The following ATXN7L1 variants were observed in gnomAD, a reference collection of about 807,000 sequenced individuals.
The protein encoded by ATXN7L1 is ataxin 7 like 1.
A neutral mutation model predicts 70.8 loss-of-function variants in ATXN7L1; 15 were observed. The ratio of observed to expected loss-of-function variants is 0.21; its 90% CI spans 0.14 to 0.33. The LOEUF (loss-of-function observed/expected upper bound fraction) is 0.33. ATXN7L1 is among the 10% of genes least tolerant of loss of function. The probability of loss-of-function intolerance (pLI) is 1.00; values close to 1 mark genes in which losing one functional copy is unlikely to be tolerated. For synonymous variants in ATXN7L1, 440 were observed against 445.1 expected, an observed-to-expected ratio of 0.99 and a Z score of 0.14; for missense variants, 975 against 1,097.1, an observed-to-expected ratio of 0.89 and a Z score of 1.57.
At chr7:105,776,934 T>A (rs1329156243) in intron 3 of ATXN7L1, among the ~76,000 whole-genome samples, 2 of 152,152 alleles carry the variant, frequency 1.3e-5, no homozygotes. Flanking sequence ...CATGCCTGGA[T>A]AACTTTTGTA....
chr7:105,859,845 C>T (rs1453855500), intron 2 of ATXN7L1, among the ~76,000 whole-genome samples: 9 of 146,360 alleles, frequency 6.1e-5, no homozygotes, highest in East Asian at 4.0e-4. Flanking sequence ...TGCAGTGGCA[C>T]GATCTCAGCT....
chr7:105,812,755 C>T (rs1808613505), intron 2 of ATXN7L1, among the ~76,000 whole-genome samples: 1 of 152,106 alleles, frequency 6.6e-6, no homozygotes, highest in Non-Finnish European at 1.5e-5. Context: ...AATCCCAGCA[C>T]TCTGGGAGGC....
intron 10 of ATXN7L1, among the ~76,000 whole-genome samples, chr7:105,611,953 C>A (rs758429778): frequency 2.0e-5 from 3 of 152,202 alleles, no homozygotes; most frequent in Admixed American, 6.5e-5. Flanking sequence ...GTTAGAGAAC[C>A]AATGCTGACC....
intron 3 of ATXN7L1, among the ~76,000 whole-genome samples, chr7:105,741,015 C>T (rs760217059): frequency 4.1e-4 from 62 of 152,168 alleles, no homozygotes; most frequent in Middle Eastern, 3.4e-3. Flanking sequence ...CTGCCCGCCT[C>T]GGCCTCCCAA....
chr7:105,726,035 G>A (rs369913578), intron 3 of ATXN7L1, among the ~76,000 whole-genome samples: 13 of 151,158 alleles, frequency 8.6e-5, no homozygotes, highest in African/African-American at 3.2e-4. Flanking sequence ...CTGAGCAGCT[G>A]GGATTACAGG....
rs200197723 is a variant in ATXN7L1 at position 105,727,740 on chromosome 7, ATG to A, written c.355+60862_355+60863del. ...TTTTTCCATAGGGGTGTGTGTGTGT[ATG>A]TGTGTATATATATATATATATATAT... On this transcript the variant is annotated intron_variant, in intron 3 of 11. Coordinates refer to ENST00000419735, the MANE Select transcript of ATXN7L1 (RefSeq NM_020725.2). 4.3e-3 allele frequency among the ~76,000 whole-genome samples: 306 copies of A among 70,636 alleles called. 4 individuals are homozygous for A. Among genetic ancestry groups the A allele is most frequent in the South Asian group, 0.023 (38 of 1,652 alleles). 46.3% of individuals were successfully genotyped at this position (70,636 alleles called of 152,430 possible).
At chr7:105,793,750 G>A (rs139193535) in intron 2 of ATXN7L1, among the ~76,000 whole-genome samples, 1 of 152,300 alleles carries the variant, frequency 6.6e-6, no homozygotes, top group African/African-American at 2.4e-5. Context: ...GATAAACTGT[G>A]GATTAGATAG....
intron 3 of ATXN7L1, among the ~76,000 whole-genome samples, chr7:105,723,414 T>C (rs75402038): frequency 9.3e-4 from 142 of 152,296 alleles, no homozygotes; most frequent in African/African-American, 3.3e-3. Context: ...TTTATATTAT[T>C]CAACAGATAG....
intron 7 of ATXN7L1, among the ~76,000 whole-genome samples, chr7:105,625,541 G>A (rs867692043): frequency 7.9e-5 from 12 of 152,180 alleles, no homozygotes; most frequent in African/African-American, 2.2e-4. Context: ...GTGAGCCACC[G>A]TGCCCAGCTT....
intron 4 of ATXN7L1, among the ~76,000 whole-genome samples, chr7:105,645,151 T>C (rs890165156): frequency 6.6e-6 from 1 of 152,080 alleles, no homozygotes; most frequent in African/African-American, 2.4e-5. Flanking sequence ...GTTTCAGTTT[T>C]GCAAGATGGA....
At chr7:105,863,118 A>G (rs1309297737) in intron 2 of ATXN7L1, among the ~76,000 whole-genome samples, 1 of 152,236 alleles carries the variant, frequency 6.6e-6, no homozygotes, top group Non-Finnish European at 1.5e-5. Context: ...GAAACTGAAC[A>G]GCGGCCTAGA....
chr7:105,840,874 G>A (rs1013371018), intron 2 of ATXN7L1, among the ~76,000 whole-genome samples: 2 of 152,178 alleles, frequency 1.3e-5, no homozygotes, highest in African/African-American at 2.4e-5. Flanking sequence ...CCAAGTTCTG[G>A]CCCCATGGAG....
chr7:105,824,484 C>T (rs572224747), intron 2 of ATXN7L1, among the ~76,000 whole-genome samples: 3 of 151,464 alleles, frequency 2.0e-5, no homozygotes, highest in East Asian at 1.9e-4. Flanking sequence ...CAGGATGCAA[C>T]GGTAAGAAAA....
At chr7:105,712,044 G>A (rs897052198) in intron 3 of ATXN7L1, among the ~76,000 whole-genome samples, 4 of 152,226 alleles carry the variant, frequency 2.6e-5, no homozygotes, top group Non-Finnish European at 4.4e-5. Flanking sequence ...AGCTGCTGAG[G>A]TTTGGGGCTT....
intron 3 of ATXN7L1, among the ~76,000 whole-genome samples, chr7:105,678,719 C>T (rs1805096401): frequency 6.6e-6 from 1 of 152,170 alleles, no homozygotes; most frequent in South Asian, 2.1e-4. Flanking sequence ...CTTCCCGGTG[C>T]TCTGAAAGGT....
chr7:105,723,755 G>A (rs1480787183), intron 3 of ATXN7L1, among the ~76,000 whole-genome samples: 2 of 152,140 alleles, frequency 1.3e-5, no homozygotes, highest in Non-Finnish European at 2.9e-5. Flanking sequence ...TGTTTTGCCT[G>A]TTTGTGGATT....
At position 105,823,337 on chromosome 7, in the gene ATXN7L1, A is replaced by G. The variant is rs75462810; in HGVS notation, c.251-34629T>C. 7.3e-3 allele frequency among the ~76,000 whole-genome samples: 1,109 copies of G among 152,292 alleles called. 12 individuals are homozygous for G. Among genetic ancestry groups the G allele is most frequent in the African/African-American group, 0.025 (1,042 of 41,560 alleles). ...CAGCAGAGGCAACCCCATTTCCAGT[A>G]TCATTTGTGATCACTTACAAACAGC... On this transcript the variant is annotated intron_variant, in intron 2 of 11. Coordinates refer to ENST00000419735, the MANE Select transcript of ATXN7L1 (RefSeq NM_020725.2).
chr7:105,876,593 GGGGAGGGA>G, exon 1 of ATXN7L1: 5 of 1,539,432 alleles, frequency 3.2e-6, no homozygotes, highest in Non-Finnish European at 4.4e-6. Context: ...GTTCTGAAAG[GGGGAGGGA>G]GGGAGGAAGG....
At chr7:105,637,085 T>A (rs1157202449) in intron 7 of ATXN7L1, among the ~76,000 whole-genome samples, 1 of 152,186 alleles carries the variant, frequency 6.6e-6, no homozygotes, top group Non-Finnish European at 1.5e-5. Context: ...GAAAGTAGCA[T>A]GTCAACGGTG....
Sources: allele counts gnomAD v4.1 joint callset (sites outside exome capture counted in the v4.1 genomes callset), GRCh38; gene constraint gnomAD v4.1.1; transcripts MANE v1.5; gene names NCBI Gene and HGNC (gene_info 2026-07-23, HGNC 2026-07-21).